The following BCORL1 variants were observed in gnomAD, a reference collection of about 807,000 sequenced individuals.
The protein encoded by BCORL1 is BCL6 corepressor like 1.
BCORL1 carries 7 observed loss-of-function variants against 87.6 expected under a neutral mutation model. That is an observed-to-expected ratio of 0.08 (90% CI 0.05 to 0.15). The LOEUF is 0.15. Ranked by LOEUF, BCORL1 falls within the 10% of genes least tolerant of loss-of-function variation. The probability of loss-of-function intolerance (pLI) is 1.00; values close to 1 mark genes in which losing one functional copy is unlikely to be tolerated. For synonymous variants in BCORL1, 591 were observed against 634.4 expected, an observed-to-expected ratio of 0.93 and a Z score of 1.03; for missense variants, 1,215 against 1,499.7, an observed-to-expected ratio of 0.81 and a Z score of 3.13.
Position 130,013,432 on chromosome X carries a change from A to G in BCORL1, c.660A>G (p.Ala220=), listed in dbSNP as rs1481937183. ...SASVPHSVPD[A]FQVPLSVPAP... ...CTGTGCCCCACTCTGTTCCAGATGC[A>G]TTCCAGGTTCCCCTCTCCGTCCCTG... Residue 220 remains alanine, a synonymous_variant, in exon 4 of 14, where the codon GCA becomes GCG. Coordinates refer to ENST00000540052, the MANE Select transcript of BCORL1 (RefSeq NM_001379451.1). The G allele has an allele frequency of 1.2e-5, 15 of 1,210,190 alleles. No individual in the cohort carries two copies. Among genetic ancestry groups the G allele is most frequent in the South Asian group, 3.5e-5 (2 of 56,898 alleles).
At position 130,002,985 on chromosome X, in the gene BCORL1, CAA is replaced by C. The variant is rs746987626; in HGVS notation, c.-44-2202_-44-2201del. On this transcript the variant is annotated intron_variant, in intron 1 of 13. Coordinates refer to ENST00000540052, the MANE Select transcript of BCORL1 (RefSeq NM_001379451.1). ...CCATCAGGCAGTGGATCAGGAAAGACAAGAGAAGGGAGAGAATAAAGAGGGCA... is the reference window on the plus strand; with the variant it reads ...CCATCAGGCAGTGGATCAGGAAAGACGAGAAGGGAGAGAATAAAGAGGGCA... Among the ~76,000 whole-genome samples the C allele has an allele frequency of 3.6e-5, 4 of 110,169 alleles. No homozygotes were observed. The East Asian group carries it at 1.2e-3, about 32-fold the overall frequency.
At chrX:130,033,008 C>T (rs1569381682) in intron 8 of BCORL1, among the ~76,000 whole-genome samples, 1 of 109,597 alleles carries the variant, frequency 9.1e-6, no homozygotes, top group African/African-American at 3.3e-5. Context: ...GGTGATCCAC[C>T]CGCTTCAGCC....
chrX:130,051,804 T>C, intron 12 of BCORL1, 56 bp from the exon 13 acceptor site: 1 of 1,064,087 alleles, frequency 9.4e-7, no homozygotes, highest in Non-Finnish European at 1.3e-6. Context: ...CGCATTTCTT[T>C]TCTTCGGTTT....
chrX:130,020,459 T>C (rs928404402), intron 4 of BCORL1, among the ~76,000 whole-genome samples: 1 of 112,231 alleles, frequency 8.9e-6, no homozygotes. Context: ...TCCTGTGTCA[T>C]GTTTTTCTTC....
At chrX:130,043,026 CA>C (rs1220136110) in intron 11 of BCORL1, among the ~76,000 whole-genome samples, 5 of 105,432 alleles carry the variant, frequency 4.7e-5, no homozygotes, top group African/African-American at 1.4e-4. Flanking sequence ...GGATTTAGTA[CA>C]TTCTCTTTTT....
At chrX:130,009,457 A>G (rs2124422760) in intron 2 of BCORL1, among the ~76,000 whole-genome samples, 1 of 103,352 alleles carries the variant, frequency 9.7e-6, no homozygotes, top group African/African-American at 3.8e-5. Flanking sequence ...AACTCTGTCT[A>G]AAAGAAAGAA....
intron 1 of BCORL1, among the ~76,000 whole-genome samples, chrX:129,983,418 C>CT (rs376405668): frequency 8.4e-4 from 59 of 70,641 alleles, no homozygotes; most frequent in African/African-American, 3.5e-3. Flanking sequence ...CGAGAAAAGG[C>CT]TTTTTTTTGG....
Position 130,005,332 on chromosome X carries a change from A to G in BCORL1, c.86+15A>G. The stretch of plus-strand genomic sequence containing the variant: ...AACGAGGAGAGGTGAGGAGGCCAGG[A>G]AGGTGGCCGCTGCTGGCCTCCAGTG... On this transcript the variant is annotated intron_variant, in intron 2 of 13. Coordinates refer to ENST00000540052, the MANE Select transcript of BCORL1 (RefSeq NM_001379451.1). 1 of 1,199,887 alleles carries G rather than the reference A, an allele frequency of 8.3e-7. No individual in the cohort carries two copies. Among genetic ancestry groups the G allele is most frequent in the Non-Finnish European group, 1.1e-6 (1 of 884,761 alleles).
intron 5 of BCORL1, among the ~76,000 whole-genome samples, chrX:130,021,790 C>CT (rs34968660): frequency 3.0e-4 from 32 of 105,035 alleles, no homozygotes; most frequent in Admixed American, 9.2e-4. Context: ...CTGGTCTGTT[C>CT]TTTTTTTTTT....
chrX:130,050,177 A>G (rs1931987040), intron 11 of BCORL1, among the ~76,000 whole-genome samples: 1 of 110,984 alleles, frequency 9.0e-6, no homozygotes. Context: ...TATGCCTGTA[A>G]TCCCAGCACT....
intron 11 of BCORL1, among the ~76,000 whole-genome samples, chrX:130,044,434 C>T (rs959976314): frequency 4.5e-5 from 5 of 110,673 alleles, no homozygotes; most frequent in Non-Finnish European, 9.5e-5. Flanking sequence ...CCTCATGTAG[C>T]GCTTCCCTGG....
intron 1 of BCORL1, among the ~76,000 whole-genome samples, chrX:129,983,426 T>TGG (rs371853979): frequency 1.6e-4 from 6 of 37,268 alleles, no homozygotes; most frequent in East Asian, 1.1e-3. Flanking sequence ...GGCTTTTTTT[T>TGG]GGGGGGGGGG....
chrX:129,996,601 ACAT>A (rs1220880246), intron 1 of BCORL1, among the ~76,000 whole-genome samples: 1 of 111,330 alleles, frequency 9.0e-6, no homozygotes, highest in Non-Finnish European at 1.9e-5. Context: ...AGCTGCATGA[ACAT>A]CCTGATCATT....
intron 3 of BCORL1, 96 bp downstream of exon 3, chrX:130,012,764 G>A: frequency 9.9e-7 from 1 of 1,010,791 alleles, no homozygotes; most frequent in Non-Finnish European, 1.4e-6. Context: ...AAGTGGGCAG[G>A]AAGGGACAGG....
chrX:130,008,264 ATTT>A (rs372463348), intron 2 of BCORL1, among the ~76,000 whole-genome samples: 2 of 94,230 alleles, frequency 2.1e-5, no homozygotes, highest in Non-Finnish European at 4.3e-5. Flanking sequence ...TTAAGAGGAC[ATTT>A]TTTTTTTTTT....
intron 1 of BCORL1, among the ~76,000 whole-genome samples, chrX:129,997,986 C>CATAT (rs754498901): frequency 0.015 from 1,406 of 95,971 alleles, 22 homozygotes; most frequent in African/African-American, 0.047. Flanking sequence ...TGAAGTTTTA[C>CATAT]ATATATATAT....
intron 13 of BCORL1, among the ~76,000 whole-genome samples, chrX:130,054,653 T>C (rs1424672192): frequency 1.8e-5 from 2 of 110,994 alleles, no homozygotes; most frequent in East Asian, 2.8e-4. Flanking sequence ...GGCTCACACC[T>C]GTAATCCCAG....
At chrX:130,024,547 C>G (rs1315544677) in intron 6 of BCORL1, among the ~76,000 whole-genome samples, 1 of 111,042 alleles carries the variant, frequency 9.0e-6, no homozygotes, top group African/African-American at 3.3e-5. Context: ...CTGTCTGAGA[C>G]CCCAATTGCC....
At chrX:130,046,236 G>A (rs1931735658) in intron 11 of BCORL1, among the ~76,000 whole-genome samples, 1 of 111,146 alleles carries the variant, frequency 9.0e-6, no homozygotes, top group Admixed American at 9.5e-5. Flanking sequence ...TCAGTGGGTC[G>A]TGTTCATGCC....
Sources: allele counts gnomAD v4.1 joint callset (sites outside exome capture counted in the v4.1 genomes callset), GRCh38; gene constraint gnomAD v4.1.1; transcripts MANE v1.5; gene names NCBI Gene and HGNC (gene_info 2026-07-23, HGNC 2026-07-21).